The following RANBP17 variants were observed in gnomAD, a reference collection of about 807,000 sequenced individuals.
RANBP17 encodes ran-binding protein 17.
Under a neutral mutation model 141.2 loss-of-function variants are expected in RANBP17, and 158 were observed. The ratio of observed to expected loss-of-function variants is 1.12; its 90% CI spans 0.98 to 1.28. RANBP17 has a LOEUF of 1.28. Among genes scored for constraint, RANBP17 ranks in the 50% most tolerant of loss-of-function variants. The probability of loss-of-function intolerance (pLI) is 0.00; values close to 1 mark genes in which losing one functional copy is unlikely to be tolerated. For synonymous variants in RANBP17, 430 were observed against 450.0 expected (o/e 0.96, Z 0.56); for missense variants, 1,438 against 1,290.7 (o/e 1.11, Z -1.75).
intron 14 of RANBP17, among the ~76,000 whole-genome samples, chr5:171,090,265 C>A (rs1028426649): frequency 6.6e-6 from 1 of 152,124 alleles, no homozygotes; most frequent in African/African-American, 2.4e-5. Flanking sequence ...TTGTTGGGAA[C>A]TGGAGCAAAG....
At chr5:171,162,738 A>G (rs1759437684) in intron 14 of RANBP17, among the ~76,000 whole-genome samples, 1 of 152,050 alleles carries the variant, frequency 6.6e-6, no homozygotes, top group African/African-American at 2.4e-5. Flanking sequence ...AAGAGGAAGC[A>G]TGTTCTTAGC....
intron 14 of RANBP17, among the ~76,000 whole-genome samples, chr5:171,077,746 C>A (rs1424344716): frequency 6.6e-6 from 1 of 152,122 alleles, no homozygotes; most frequent in Non-Finnish European, 1.5e-5. Flanking sequence ...AGGAAAAGCA[C>A]CAAGATATTA....
At chr5:171,135,411 C>T (rs868737491) in intron 14 of RANBP17, among the ~76,000 whole-genome samples, 2 of 151,848 alleles carry the variant, frequency 1.3e-5, no homozygotes, top group Admixed American at 6.6e-5. Context: ...ATATTTCTTC[C>T]GTATTTTAAA....
intron 14 of RANBP17, among the ~76,000 whole-genome samples, chr5:171,130,268 ACT>A (rs1756806633): frequency 6.6e-6 from 1 of 151,932 alleles, no homozygotes; most frequent in African/African-American, 2.4e-5. Flanking sequence ...AAGAAATATC[ACT>A]CTCTTGGAAT....
At chr5:171,084,172 T>C (rs1785466134) in intron 14 of RANBP17, among the ~76,000 whole-genome samples, 2 of 145,272 alleles carry the variant, frequency 1.4e-5, no homozygotes, top group Non-Finnish European at 1.5e-5. Context: ...CCATGTGTTC[T>C]CATAGTTCAA....
chr5:171,194,339 A>T (rs989125759), intron 18 of RANBP17, among the ~76,000 whole-genome samples: 5 of 151,896 alleles, frequency 3.3e-5, no homozygotes, highest in African/African-American at 4.8e-5. Context: ...CCCCTCAAAA[A>T]CCCTGTACCA....
intron 14 of RANBP17, among the ~76,000 whole-genome samples, chr5:171,016,408 G>A (rs1011714190): frequency 6.6e-6 from 1 of 151,980 alleles, no homozygotes; most frequent in African/African-American, 2.4e-5. Context: ...AGTTTTGCCT[G>A]TAATCTGTAG....
chr5:171,078,166 C>G (rs1254709119), intron 14 of RANBP17, among the ~76,000 whole-genome samples: 1 of 141,896 alleles, frequency 7.0e-6, no homozygotes, highest in East Asian at 2.1e-4. Context: ...CTGAGTCTCA[C>G]TGTACCGCAC....
At chr5:171,252,697 C>T in intron 24 of RANBP17, 1 of 1,452,580 alleles carries the variant, frequency 6.9e-7, no homozygotes, top group East Asian at 2.3e-5. Flanking sequence ...TGCCACCAAT[C>T]CAGACAGAAT....
chr5:171,047,180 C>A (rs1782645862), intron 14 of RANBP17, among the ~76,000 whole-genome samples: 1 of 151,732 alleles, frequency 6.6e-6, no homozygotes, highest in African/African-American at 2.4e-5. Context: ...CCACACCCAG[C>A]TAATTATTTG....
chr5:170,921,979 G>A (rs1030329053), intron 11 of RANBP17, among the ~76,000 whole-genome samples: 1 of 152,102 alleles, frequency 6.6e-6, no homozygotes, highest in African/African-American at 2.4e-5. Context: ...ATCTACCTTT[G>A]GTCTTTGATG....
chr5:170,972,791 A>T (rs1435479634), intron 14 of RANBP17, among the ~76,000 whole-genome samples: 2 of 152,104 alleles, frequency 1.3e-5, no homozygotes, highest in African/African-American at 2.4e-5. Context: ...CCTAAGTGTT[A>T]TAACAGCTTA....
chr5:170,911,327 T>G (rs1315489981), intron 7 of RANBP17, 193 bp downstream of exon 7: 1 of 595,534 alleles, frequency 1.7e-6, no homozygotes, highest in East Asian at 2.8e-5. Flanking sequence ...CTTCTATATT[T>G]TGATTTAGGA....
At chr5:170,870,125 A>G (rs1767596668) in intron 1 of RANBP17, among the ~76,000 whole-genome samples, 1 of 152,162 alleles carries the variant, frequency 6.6e-6, no homozygotes, top group Admixed American at 6.5e-5. Flanking sequence ...TCAGTCCTCC[A>G]AATTTATTAG....
At chr5:171,011,683 A>T (rs1472610679) in intron 14 of RANBP17, among the ~76,000 whole-genome samples, 1 of 151,904 alleles carries the variant, frequency 6.6e-6, no homozygotes, top group Non-Finnish European at 1.5e-5. Flanking sequence ...ATGAGAGTTA[A>T]CCCCTAGTAT....
At chr5:171,111,560 C>T (rs568700905) in intron 14 of RANBP17, among the ~76,000 whole-genome samples, 192 of 152,228 alleles carry the variant, frequency 1.3e-3, no homozygotes, top group African/African-American at 4.5e-3. Flanking sequence ...CAGTGAGCCC[C>T]ATTTCTTTCA....
At chr5:171,262,383 A>G (rs914713969) in intron 24 of RANBP17, among the ~76,000 whole-genome samples, 5 of 152,224 alleles carry the variant, frequency 3.3e-5, no homozygotes, top group Non-Finnish European at 7.3e-5. Flanking sequence ...TTGTAAAACC[A>G]AAGCTCCCTT....
At chr5:171,110,493 A>G (rs1406188775) in intron 14 of RANBP17, among the ~76,000 whole-genome samples, 2 of 151,962 alleles carry the variant, frequency 1.3e-5, no homozygotes, top group Non-Finnish European at 2.9e-5. Context: ...CTCCATCTGT[A>G]TGTCTCATGA....
intron 14 of RANBP17, among the ~76,000 whole-genome samples, chr5:171,147,535 C>A (rs1285720234): frequency 1.3e-5 from 2 of 151,476 alleles, no homozygotes; most frequent in African/African-American, 4.8e-5. Flanking sequence ...CCTGCCTCAG[C>A]CTTCCGAGTA....
Sources: gnomAD v4.1 joint callset for allele counts (sites outside exome capture counted in the v4.1 genomes callset) on GRCh38, gnomAD v4.1.1 for gene constraint, MANE v1.5 for transcripts, NCBI Gene and HGNC (gene_info 2026-07-23, HGNC 2026-07-21) for gene names.